SDC1: variants seen among roughly 807,000 people sequenced by gnomAD.
SDC1 encodes syndecan-1.
Under a neutral mutation model 29.7 loss-of-function variants are expected in SDC1, and 14 were observed. That is an observed-to-expected ratio of 0.47 (90% CI 0.31 to 0.74). SDC1 has a LOEUF of 0.74. Ranked by LOEUF, SDC1 falls within the 30% of genes least tolerant of loss-of-function variation. The pLI, the probability that SDC1 is intolerant of heterozygous loss-of-function variation, is 0.05. For synonymous variants in SDC1, 204 were observed against 175.5 expected, an observed-to-expected ratio of 1.16 and a Z score of -1.29; for missense variants, 406 against 400.3, an observed-to-expected ratio of 1.01 and a Z score of -0.12.
At chr2:20,217,594 G>A (rs1174290483) in intron 1 of SDC1, among the ~76,000 whole-genome samples, 2 of 152,190 alleles carry the variant, frequency 1.3e-5, no homozygotes, top group African/African-American at 4.8e-5. Context: ...AGAGAGAGGA[G>A]GCAGGGCCAA....
chr2:20,223,246 A>G, intron 1 of SDC1: 1 of 1,301,586 alleles, frequency 7.7e-7, no homozygotes, highest in Non-Finnish European at 1.0e-6. Context: ...CTCAGAAACG[A>G]CTGTCCCTAC....
chr2:20,210,387 C>T (rs942804742), intron 1 of SDC1, among the ~76,000 whole-genome samples: 13 of 152,142 alleles, frequency 8.5e-5, no homozygotes, highest in African/African-American at 1.7e-4. Flanking sequence ...GCCAGGTGTC[C>T]GGCTCCAGGG....
At chr2:20,212,100 C>G (rs3771245) in intron 1 of SDC1, among the ~76,000 whole-genome samples, 24,314 of 128,258 alleles carry the variant, frequency 0.19, 2,323 homozygotes, top group East Asian at 0.26. Context: ...AGGCTGGCCC[C>G]GCGGCTTTAG....
At position 20,202,052 on chromosome 2, in the gene SDC1, C is replaced by T; in HGVS notation, c.*714G>A. ...AGCGACAAACTCAAGAGACAACACACAAACTAAGCCTACATTTTGGCTTCC... is the reference window on the plus strand; with the variant it reads ...AGCGACAAACTCAAGAGACAACACATAAACTAAGCCTACATTTTGGCTTCC... On this transcript the variant is annotated 3_prime_UTR_variant, in exon 5 of 5. Transcript: ENST00000254351. 1 of 533,954 alleles carries T rather than the reference C, an allele frequency of 1.9e-6. No homozygotes were observed. Among genetic ancestry groups the T allele is most frequent in the Non-Finnish European group, 3.3e-6 (1 of 305,544 alleles). The allele number at this position is 533,954 out of a possible 1,614,324, so 33.1% of individuals were successfully genotyped here. A position where few individuals can be genotyped will look rare whatever the true frequency, so the allele number is the denominator to read the frequency against.
At position 20,204,236 on chromosome 2, in the gene SDC1, C is replaced by T. The variant is rs370952727; in HGVS notation, c.204G>A (p.Thr68=). The T allele has an allele frequency of 1.5e-5, 24 of 1,588,190 alleles. No individual in the cohort carries two copies. Among genetic ancestry groups the T allele is most frequent in the Middle Eastern group, 1.7e-4 (1 of 6,060 alleles). Residue 68 remains threonine (T), a synonymous_variant, in exon 3 of 5, where the codon ACG becomes ACA. Coordinates refer to ENST00000254351, the MANE Select transcript of SDC1 (RefSeq NM_002997.5). ...SQQTPSTWKD[T]QLLTAIPTSP... ...ACGTGGGAATAGCCGTCAGGAGCTG[C>T]GTGTCCTTCCAAGTGGAGGGGGTCT...
In SDC1 at chr2:20,203,900, T is replaced by C. The variant is rs771192136; in HGVS notation, c.540A>G (p.Thr180=). The C allele has an allele frequency of 5.6e-6, 9 of 1,613,254 alleles. No homozygotes were observed. The highest frequency in any genetic ancestry group is 1.7e-5 in the Admixed American group (1 of 59,800). ...PSQADLHTPH[T]EDGGPSATER... ...CGGTGGCAGAAGGACCTCCATCCTC[T>C]GTGTGGGGAGTGTGAAGGTCAGCTT... Residue 180 remains threonine (T), a synonymous_variant, in exon 3 of 5, where the codon ACA becomes ACG. Coordinates refer to ENST00000254351, the MANE Select transcript of SDC1 (RefSeq NM_002997.5).
In SDC1 at chr2:20,216,642, C is replaced by A. The variant is rs560896031; in HGVS notation, c.66+8160G>T. On this transcript the variant is annotated intron_variant, in intron 1 of 4. Coordinates refer to ENST00000254351, the MANE Select transcript of SDC1 (RefSeq NM_002997.5). ...CACTCTGACACAATCAAGTCCCCAA[C>A]CAGGTAAGGTCCCTGGAGCATCAGC... Among the ~76,000 whole-genome samples the A allele has an allele frequency of 1.9e-3, 294 of 152,322 alleles. 2 individuals carry two copies. The highest frequency in any genetic ancestry group is 7.0e-3 in the African/African-American group (291 of 41,556).
intron 1 of SDC1, among the ~76,000 whole-genome samples, chr2:20,215,226 C>A (rs1221163700): frequency 6.6e-6 from 1 of 152,242 alleles, no homozygotes; most frequent in Non-Finnish European, 1.5e-5. Flanking sequence ...GGCCACCGTG[C>A]CCCATTGCTA....
intron 1 of SDC1, among the ~76,000 whole-genome samples, chr2:20,218,221 G>A (rs115098856): frequency 0.032 from 4,880 of 152,276 alleles, 108 homozygotes; most frequent in Non-Finnish European, 0.047. Context: ...CCAAACAGTC[G>A]GGGCTCAGCT....
intron 1 of SDC1, among the ~76,000 whole-genome samples, chr2:20,213,963 T>G (rs1463534658): frequency 6.6e-6 from 1 of 152,116 alleles, no homozygotes; most frequent in African/African-American, 2.4e-5. Context: ...TTGCACAATA[T>G]CCCTTTGAAA....
At chr2:20,211,383 C>T (rs2148289296) in intron 1 of SDC1, among the ~76,000 whole-genome samples, 1 of 152,310 alleles carries the variant, frequency 6.6e-6, no homozygotes, top group African/African-American at 2.4e-5. Flanking sequence ...AGCAACAGAG[C>T]CCTGTGAACA....
chr2:20,203,737 C>G, intron 3 of SDC1, 76 bp downstream of exon 3: 8 of 1,091,532 alleles, frequency 7.3e-6, no homozygotes, highest in Non-Finnish European at 6.6e-6. Context: ...CCGCAGGGCA[C>G]AGGTGTAGGG....
chr2:20,222,088 AACACACACAC>A (rs3044220), intron 1 of SDC1, among the ~76,000 whole-genome samples: 5 of 150,956 alleles, frequency 3.3e-5, no homozygotes, highest in Admixed American at 6.6e-5. Context: ...GACCACAGTA[AACACACACAC>A]ACACACACAC....
intron 1 of SDC1, among the ~76,000 whole-genome samples, chr2:20,214,070 C>A (rs986204237): frequency 6.6e-6 from 1 of 152,126 alleles, no homozygotes; most frequent in Admixed American, 6.5e-5. Context: ...TAGGCCACTG[C>A]GGGTAGGTGG....
rs1174890472 is a variant in SDC1, at chr2:20,204,519, G to C, written c.149-228C>G. Among the ~76,000 whole-genome samples, 5 of 152,058 alleles carry C rather than the reference G, an allele frequency of 3.3e-5. No homozygotes were observed. In the East Asian group the frequency reaches 9.7e-4, roughly 29 times the overall value. Reference sequence around the variant, plus strand: ...GTGTCCAGGTGCAGCCTGGTCTCTGGAGCCACGAGACAGGTGCCTAGGCCA... The same window carrying C: ...GTGTCCAGGTGCAGCCTGGTCTCTGCAGCCACGAGACAGGTGCCTAGGCCA... On this transcript the variant is annotated intron_variant, in intron 2 of 4. Transcript: ENST00000254351.
chr2:20,206,217 A>G (rs1021154311), intron 1 of SDC1, among the ~76,000 whole-genome samples: 1 of 152,270 alleles, frequency 6.6e-6, no homozygotes, highest in Non-Finnish European at 1.5e-5. Flanking sequence ...CAAGCCTCCA[A>G]GAAGTGGGCT....
chr2:20,206,911 AGAAAGAGGGT>A, intron 1 of SDC1, among the ~76,000 whole-genome samples: 1 of 152,356 alleles, frequency 6.6e-6, no homozygotes, highest in East Asian at 1.9e-4. Flanking sequence ...AGGCCTGTCT[AGAAAGAGGGT>A]GAAAGGGAGG....
Position 20,205,432 on chromosome 2 carries a change from A to G in SDC1, c.67-8T>C. 6.2e-7 allele frequency: 1 copy of G among 1,612,458 alleles called. No individual in the cohort carries two copies. The highest frequency in any genetic ancestry group is 8.5e-7 in the Non-Finnish European group (1 of 1,178,576). On this transcript the variant is annotated splice_polypyrimidine_tract_variant and splice_region_variant and intron_variant, in intron 1 of 4. Transcript: ENST00000254351. ...ATTAGTAGCCACAATTTGCTGGAAA[A>G]GGATCAGAATATGGTATGAGTAAAG...
Position 20,205,241 on chromosome 2 carries a change from C to A in SDC1, c.148+102G>T, listed in dbSNP as rs929847867. The A allele has an allele frequency of 5.6e-6, 5 of 886,312 alleles. No homozygotes were observed. In the African/African-American group the frequency reaches 8.2e-5, roughly 15 times the overall value. The allele number at this position is 886,312 out of a possible 1,614,324, so 54.9% of individuals were successfully genotyped here. On this transcript the variant is annotated intron_variant, in intron 2 of 4. Coordinates refer to ENST00000254351, the MANE Select transcript of SDC1 (RefSeq NM_002997.5). ...GGGTGGAGACAGGGCAGGCAGGGTG[C>A]ACTCAGTACATGCTCAGTAAACACA...
Sources: allele counts gnomAD v4.1 joint callset (sites outside exome capture counted in the v4.1 genomes callset), GRCh38; gene constraint gnomAD v4.1.1; transcripts MANE v1.5; gene names NCBI Gene and HGNC (gene_info 2026-07-23, HGNC 2026-07-21).